The following UHRF1 variants were observed in gnomAD, a reference collection of about 807,000 sequenced individuals.
The protein encoded by UHRF1 is ubiquitin like with PHD and ring finger domains 1, also known as E3 ubiquitin-protein ligase UHRF1.
In UHRF1, 9 loss-of-function variants were observed where a neutral mutation model predicts 96.5. The ratio of observed to expected loss-of-function variants is 0.09; its 90% confidence interval spans 0.06 to 0.16. The LOEUF is 0.16. Among genes scored for constraint, UHRF1 ranks in the 10% least tolerant of loss-of-function variants. The pLI is 1.00. For missense variants in UHRF1, 626 were observed against 1,131.1 expected (o/e 0.55, Z 6.40); for synonymous variants, 455 against 469.9 (o/e 0.97, Z 0.41).
intron 2 of UHRF1, among the ~76,000 whole-genome samples, chr19:4,915,921 T>G (rs1194918955): frequency 6.6e-6 from 1 of 152,156 alleles, no homozygotes; most frequent in East Asian, 1.9e-4. Context: ...TCAGGGGTTC[T>G]CAAACGGATT....
intron 2 of UHRF1, among the ~76,000 whole-genome samples, chr19:4,922,356 C>G (rs577252809): frequency 3.1e-4 from 47 of 151,290 alleles, no homozygotes; most frequent in African/African-American, 1.1e-3. Flanking sequence ...AACTCTGCCT[C>G]CTGGGTTCAA....
Position 4,954,722 on chromosome 19 carries a change from C to G in UHRF1, c.2030C>G (p.Thr677Arg). 1.2e-6 allele frequency: 2 copies of G among 1,613,756 alleles called. No individual in the cohort carries two copies. The highest frequency in any genetic ancestry group is 1.1e-5 in the South Asian group (1 of 91,066). Residue 677 changes from threonine to arginine, a missense_variant, in exon 15 of 17, where the codon ACG becomes AGG. By Grantham distance (71) the Thr-to-Arg change is moderately conservative. Transcript: ENST00000650932. This position sits in a 1 kb window ranked among gnomAD's most constrained non-coding sequence, Gnocchi z 5.9. The part of the protein sequence containing the change: ...KKTKVEPYSL[T>R]AQQSSLIRED... ...ACCAAGGTGGAGCCCTACAGTCTCA[C>G]GGCCCAGCAGAGCAGCCTCATCAGA... is the stretch of plus-strand genomic sequence containing the variant.
At chr19:4,909,865 C>T (rs971060350) in intron 1 of UHRF1, 8 of 380,028 alleles carry the variant, frequency 2.1e-5, no homozygotes, top group Non-Finnish European at 3.3e-5. Flanking sequence ...GTCCCCGGAG[C>T]CCGGCGGGGG....
chr19:4,917,072 G>GGC (rs2032537576), intron 2 of UHRF1, among the ~76,000 whole-genome samples: 1 of 114,122 alleles, frequency 8.8e-6, no homozygotes, highest in South Asian at 2.3e-4. Context: ...CAGCTCGGTG[G>GGC]GGGGGGGGGG....
chr19:4,912,212 G>T (rs376008289), intron 2 of UHRF1, among the ~76,000 whole-genome samples: 1 of 152,190 alleles, frequency 6.6e-6, no homozygotes, highest in African/African-American at 2.4e-5. Flanking sequence ...TGCAAGCCGC[G>T]TGTGTGCAGA....
chr19:4,927,132 C>G (rs751395162), intron 2 of UHRF1, among the ~76,000 whole-genome samples: 2 of 151,880 alleles, frequency 1.3e-5, no homozygotes, highest in Non-Finnish European at 2.9e-5. Flanking sequence ...GTAATCCCAG[C>G]TCTTTGGGAG....
At chr19:4,949,542 A>G (rs2033662530) in intron 11 of UHRF1, among the ~76,000 whole-genome samples, 1 of 152,146 alleles carries the variant, frequency 6.6e-6, no homozygotes, top group South Asian at 2.1e-4. Flanking sequence ...TAAAAAAGAC[A>G]TGGGCCATGG....
rs769707191 is a variant in UHRF1 at position 4,932,894 on chromosome 19, G to C, written c.723G>C (p.Ala241=). 22 of 1,613,666 alleles carry C rather than the reference G, an allele frequency of 1.4e-5. No homozygotes were observed. Among genetic ancestry groups the C allele is most frequent in the Non-Finnish European group, 1.8e-5 (21 of 1,179,880 alleles). The change falls in exon 5 of 17, where the codon GCG becomes GCC. Residue 241 remains alanine (A), a synonymous_variant. Coordinates refer to ENST00000650932, the MANE Select transcript of UHRF1 (RefSeq NM_001048201.3). ...NPKERGFWYD[A]EISRKRETRT... ...AGGAGCGGGGCTTCTGGTACGACGC[G>C]GAGATCTCCAGGAAGCGCGAGACCA...
chr19:4,940,726 G>A (rs2033367150), intron 5 of UHRF1, among the ~76,000 whole-genome samples: 2 of 151,846 alleles, frequency 1.3e-5, no homozygotes, highest in Admixed American at 1.3e-4. Context: ...AGGCTGGAGT[G>A]CAGTGGCACG....
At chr19:4,928,521 G>A (rs938779686) in intron 2 of UHRF1, among the ~76,000 whole-genome samples, 2 of 152,228 alleles carry the variant, frequency 1.3e-5, no homozygotes, top group Non-Finnish European at 2.9e-5. Flanking sequence ...GGCCCCAGGG[G>A]TTGAGCGCAT....
chr19:4,918,909 A>T (rs1367920980), intron 2 of UHRF1, among the ~76,000 whole-genome samples: 1 of 150,842 alleles, frequency 6.6e-6, no homozygotes, highest in South Asian at 2.1e-4. Context: ...TTTTATAGAG[A>T]TGGGTTCCTG....
At chr19:4,932,596 G>C in intron 4 of UHRF1, 145 bp from the exon 5 acceptor site, 1 of 805,714 alleles carries the variant, frequency 1.2e-6, no homozygotes. Flanking sequence ...TAATATACCT[G>C]TGTGTTCTCA....
At chr19:4,938,882 C>A (rs2033299494) in intron 5 of UHRF1, among the ~76,000 whole-genome samples, 1 of 149,994 alleles carries the variant, frequency 6.7e-6, no homozygotes, top group Non-Finnish European at 1.5e-5. Flanking sequence ...TAGCTGGGAC[C>A]ATAGGCGTGC....
chr19:4,903,125 C>T (rs2031982014), exon 1 of UHRF1: 1 of 360,494 alleles, frequency 2.8e-6, no homozygotes, highest in African/African-American at 2.1e-5. Flanking sequence ...CTCATGGGTT[C>T]AAGCAATTCT....
At position 4,930,314 on chromosome 19, in the gene UHRF1, C is replaced by T. The variant is rs1213583578; in HGVS notation, c.409-402C>T. 6.6e-6 allele frequency among the ~76,000 whole-genome samples: 1 copy of T among 152,150 alleles called. No homozygotes were observed. Among genetic ancestry groups the T allele is most frequent in the Non-Finnish European group, 1.5e-5 (1 of 68,026 alleles). ...GTAGACACAGCGTCTTACCATGTTG[C>T]CCAGGCTAGTCTTGAATTCCGGGGC... On this transcript the variant is annotated intron_variant, in intron 3 of 16. Transcript: ENST00000650932. This position sits in a 1 kb window ranked among gnomAD's most constrained non-coding sequence, Gnocchi z 4.4.
At chr19:4,929,119 C>CA (rs2032965885) in intron 2 of UHRF1, 103 bp from the exon 3 acceptor site, 1 of 1,464,412 alleles carries the variant, frequency 6.8e-7, no homozygotes, top group Non-Finnish European at 9.2e-7. Flanking sequence ...ATTGCCCCCC[C>CA]CCCACAAGGG....
chr19:4,914,894 A>G (rs1163910759), intron 2 of UHRF1, among the ~76,000 whole-genome samples: 1 of 152,106 alleles, frequency 6.6e-6, no homozygotes, highest in Admixed American at 6.6e-5. Context: ...TGCCAGGCTC[A>G]CAATGAAAGC....
At chr19:4,934,389 T>C (rs975503955) in intron 5 of UHRF1, among the ~76,000 whole-genome samples, 3 of 152,156 alleles carry the variant, frequency 2.0e-5, no homozygotes, top group African/African-American at 7.2e-5. Context: ...ATTAAACGCA[T>C]TTACGTTGTT....
chr19:4,956,384 C>T (rs1162723108), intron 15 of UHRF1, among the ~76,000 whole-genome samples: 2 of 152,242 alleles, frequency 1.3e-5, no homozygotes, highest in East Asian at 1.9e-4. Flanking sequence ...TCCTAAAGCC[C>T]TGTCTTGACT....
Sources: allele counts gnomAD v4.1 joint callset (sites outside exome capture counted in the v4.1 genomes callset), GRCh38; gene constraint gnomAD v4.1.1; non-coding constraint Gnocchi (gnomAD v3.1); transcripts MANE v1.5; gene names NCBI Gene and HGNC (gene_info 2026-07-23, HGNC 2026-07-21).